The following FMN1 variants were observed in gnomAD, a reference collection of about 807,000 sequenced individuals.
FMN1 encodes formin-1.
FMN1 carries 110 observed loss-of-function variants against 132.4 expected under a neutral mutation model. The observed-to-expected ratio is 0.83, with a 90% CI of 0.71 to 0.97. The LOEUF is 0.97. Among genes scored for constraint, FMN1 ranks in the 50% least tolerant of loss-of-function variants. FMN1 has a pLI of 0.00. For synonymous variants in FMN1, 722 were observed against 651.7 expected (o/e 1.11, Z -1.64); for missense variants, 1,792 against 1,705.3 (o/e 1.05, Z -0.90).
chr15:32,938,837 T>C (rs562800325), intron 9 of FMN1, among the ~76,000 whole-genome samples: 6 of 152,218 alleles, frequency 3.9e-5, no homozygotes, highest in Non-Finnish European at 7.3e-5. Flanking sequence ...TGATTTTTAT[T>C]AGTCACATCT....
intron 9 of FMN1, among the ~76,000 whole-genome samples, chr15:32,931,605 G>GA (rs1479791872): frequency 2.6e-5 from 4 of 152,198 alleles, no homozygotes; most frequent in African/African-American, 7.2e-5. Flanking sequence ...TTTTTTGGGG[G>GA]AATCCTTAGG....
chr15:33,146,680 G>A (rs1381108127), intron 4 of FMN1, among the ~76,000 whole-genome samples: 3 of 152,128 alleles, frequency 2.0e-5, no homozygotes, highest in African/African-American at 7.2e-5. Context: ...TCACAGCCCA[G>A]GGGCCACAAA....
intron 6 of FMN1, among the ~76,000 whole-genome samples, chr15:33,025,684 G>C (rs1249733555): frequency 1.3e-5 from 2 of 152,046 alleles, no homozygotes; most frequent in African/African-American, 4.8e-5. Context: ...TTTATCAGTG[G>C]TATCTCACAT....
intron 4 of FMN1, among the ~76,000 whole-genome samples, chr15:33,146,306 A>T (rs1246153778): frequency 6.6e-6 from 1 of 152,076 alleles, no homozygotes; most frequent in Non-Finnish European, 1.5e-5. Flanking sequence ...CTTCTTCCTC[A>T]AGTGTAGGGG....
intron 6 of FMN1, among the ~76,000 whole-genome samples, chr15:33,038,313 C>T (rs967460115): frequency 5.9e-5 from 9 of 152,156 alleles, no homozygotes; most frequent in Admixed American, 3.9e-4. Flanking sequence ...ACTGATTTGC[C>T]GCCCTGCATC....
chr15:33,076,641 A>G (rs373179614), intron 5 of FMN1, among the ~76,000 whole-genome samples: 176 of 152,300 alleles, frequency 1.2e-3, no homozygotes, highest in Non-Finnish European at 2.0e-3. Context: ...ACTCTATGAG[A>G]AAGATGTCAT....
At chr15:32,918,599 C>G (rs113064326) in intron 10 of FMN1, among the ~76,000 whole-genome samples, 1 of 152,290 alleles carries the variant, frequency 6.6e-6, no homozygotes, top group South Asian at 2.1e-4. Context: ...CTTTTACAGG[C>G]GCAATTAAGA....
At chr15:32,944,959 C>T (rs2061477831) in intron 9 of FMN1, among the ~76,000 whole-genome samples, 1 of 152,170 alleles carries the variant, frequency 6.6e-6, no homozygotes, top group Non-Finnish European at 1.5e-5. Context: ...GCTACCAAAG[C>T]TTGGCCCTGC....
chr15:32,883,612 G>C (rs12050712), intron 16 of FMN1, among the ~76,000 whole-genome samples: 28,376 of 146,764 alleles, frequency 0.19, 2,813 homozygotes, highest in Middle Eastern at 0.25. Flanking sequence ...CCTCCCCTAC[G>C]TTACTAGAGA....
intron 5 of FMN1, among the ~76,000 whole-genome samples, chr15:33,087,174 G>A (rs773944087): frequency 5.3e-5 from 8 of 152,238 alleles, no homozygotes; most frequent in South Asian, 2.1e-4. Flanking sequence ...ATCTAAATGT[G>A]GAAGTAGGTG....
chr15:33,005,869 C>T (rs539646074), intron 7 of FMN1, among the ~76,000 whole-genome samples: 1 of 152,260 alleles, frequency 6.6e-6, no homozygotes, highest in Non-Finnish European at 1.5e-5. Flanking sequence ...AGAGAGGTCT[C>T]CCTTTGTAAC....
chr15:33,061,817 GA>G (rs979055306), intron 6 of FMN1, among the ~76,000 whole-genome samples: 5 of 151,496 alleles, frequency 3.3e-5, no homozygotes, highest in African/African-American at 1.2e-4. Flanking sequence ...TAGCAATTTA[GA>G]AAAAAAAGTT....
chr15:33,021,844 CA>C (rs2035432674), intron 6 of FMN1, among the ~76,000 whole-genome samples: 1 of 152,164 alleles, frequency 6.6e-6, no homozygotes, highest in African/African-American at 2.4e-5. Context: ...CTAAAACTTA[CA>C]ATCTCCTTTC....
In FMN1 at chr15:32,810,013, G is replaced by A. The variant is rs112565738; in HGVS notation, c.3929-5681C>T. On this transcript the variant is annotated intron_variant, in intron 17 of 20. Coordinates refer to ENST00000616417, the MANE Select transcript of FMN1 (RefSeq NM_001277313.2). ...CAGCTCACTGCAACCTCCATCTCCC[G>A]GGTTCAAGTGATTCTCCAGCCTCAG... 7.0e-4 allele frequency among the ~76,000 whole-genome samples: 106 copies of A among 152,032 alleles called. 1 individual carries two copies. Among genetic ancestry groups the A allele is most frequent in the African/African-American group, 2.2e-3 (92 of 41,438 alleles).
intron 7 of FMN1, among the ~76,000 whole-genome samples, chr15:32,989,496 G>A (rs2033300141): frequency 6.6e-6 from 1 of 151,766 alleles, no homozygotes; most frequent in Non-Finnish European, 1.5e-5. Context: ...GGAAATAGCG[G>A]AAGAGAAAAC....
At chr15:32,903,744 A>C (rs991355867) in intron 12 of FMN1, among the ~76,000 whole-genome samples, 1 of 152,364 alleles carries the variant, frequency 6.6e-6, no homozygotes, top group Middle Eastern at 3.4e-3. Context: ...GCATAGGACC[A>C]ATATGAGGCG....
intron 6 of FMN1, among the ~76,000 whole-genome samples, chr15:33,034,736 TATA>T (rs944394015): frequency 1.3e-5 from 2 of 152,138 alleles, no homozygotes; most frequent in African/African-American, 4.8e-5. Flanking sequence ...CCTGTGCAAA[TATA>T]ATCTCTTGCC....
At chr15:32,916,536 G>C (rs1293071273) in intron 10 of FMN1, among the ~76,000 whole-genome samples, 1 of 152,202 alleles carries the variant, frequency 6.6e-6, no homozygotes, top group African/African-American at 2.4e-5. Context: ...TCCGAAGTGT[G>C]GGAGATGCCA....
chr15:32,926,120 A>C, intron 10 of FMN1, 54 bp downstream of exon 10: 1 of 947,396 alleles, frequency 1.1e-6, no homozygotes, highest in Admixed American at 2.7e-5. Context: ...CTTCAGAATG[A>C]AATGTTTTTT....
Sources: gnomAD v4.1 joint callset for allele counts (sites outside exome capture counted in the v4.1 genomes callset) on GRCh38, gnomAD v4.1.1 for gene constraint, MANE v1.5 for transcripts, NCBI Gene and HGNC (gene_info 2026-07-23, HGNC 2026-07-21) for gene names.